The following JPH2 variants were observed in gnomAD, a reference collection of about 807,000 sequenced individuals.
JPH2 encodes the protein junctophilin 2, also known as junctophilin-2.
Under a neutral mutation model 55.9 loss-of-function variants are expected in JPH2, and 38 were observed. The observed-to-expected ratio is 0.68, with a 90% confidence interval of 0.52 to 0.89. The LOEUF is 0.89. Among genes scored for constraint, JPH2 ranks in the 40% least tolerant of loss-of-function variants. JPH2 has a pLI of 0.00. For missense variants in JPH2, 964 were observed against 1,037.6 expected (o/e 0.93, Z 0.97); for synonymous variants, 480 against 472.4 (o/e 1.02, Z -0.21).
At chr20:44,149,356 T>C (rs2072514872) in intron 2 of JPH2, among the ~76,000 whole-genome samples, 1 of 152,228 alleles carries the variant, frequency 6.6e-6, no homozygotes, top group Non-Finnish European at 1.5e-5. Context: ...GGCAGACCGC[T>C]CCCAGCTCTC....
chr20:44,155,732 C>T (rs1386020674), intron 2 of JPH2, among the ~76,000 whole-genome samples: 1 of 152,152 alleles, frequency 6.6e-6, no homozygotes, highest in Non-Finnish European at 1.5e-5. Flanking sequence ...AACTATCTCA[C>T]CAGTACTCCT....
intron 2 of JPH2, among the ~76,000 whole-genome samples, chr20:44,145,135 G>A (rs760803720): frequency 2.0e-5 from 3 of 152,050 alleles, no homozygotes; most frequent in Non-Finnish European, 4.4e-5. Flanking sequence ...CAACACTCTT[G>A]GTCTGGGCCC....
intron 1 of JPH2, among the ~76,000 whole-genome samples, chr20:44,182,776 T>C (rs555118831): frequency 2.0e-5 from 3 of 152,372 alleles, no homozygotes; most frequent in South Asian, 4.1e-4. Flanking sequence ...TTCTAGTTTA[T>C]GTTTTTCCAC....
At chr20:44,113,964 G>C (rs1362443493) in intron 5 of JPH2, among the ~76,000 whole-genome samples, 1 of 152,206 alleles carries the variant, frequency 6.6e-6, no homozygotes, top group Admixed American at 6.5e-5. Context: ...TCCTGGGGCT[G>C]ATTAAGAACC....
intron 1 of JPH2, among the ~76,000 whole-genome samples, chr20:44,182,657 C>G (rs1386441386): frequency 6.6e-6 from 1 of 152,202 alleles, no homozygotes; most frequent in Admixed American, 6.5e-5. Context: ...TCTACAGGCT[C>G]CTCCATCCTC....
intron 1 of JPH2, among the ~76,000 whole-genome samples, chr20:44,185,225 T>G (rs2072823405): frequency 6.6e-6 from 1 of 152,178 alleles, no homozygotes; most frequent in Non-Finnish European, 1.5e-5. Context: ...GAGGATTGCT[T>G]GAGCCCAGGA....
At chr20:44,146,083 C>G (rs1050065680) in intron 2 of JPH2, among the ~76,000 whole-genome samples, 1 of 150,082 alleles carries the variant, frequency 6.7e-6, no homozygotes, top group Non-Finnish European at 1.5e-5. Context: ...GCCCAGGCTA[C>G]AGTGCAGTGG....
intron 1 of JPH2, among the ~76,000 whole-genome samples, chr20:44,185,021 C>T (rs901772772): frequency 6.6e-6 from 1 of 152,182 alleles, no homozygotes; most frequent in Non-Finnish European, 1.5e-5. Flanking sequence ...AGTGATCCTC[C>T]CACCACAGCT....
At chr20:44,165,855 G>A (rs2072652437) in intron 1 of JPH2, among the ~76,000 whole-genome samples, 1 of 152,272 alleles carries the variant, frequency 6.6e-6, no homozygotes, top group East Asian at 1.9e-4. Context: ...TCTCAGTGAA[G>A]CCACCCGTGG....
chr20:44,173,467 G>A (rs577763733), intron 1 of JPH2, among the ~76,000 whole-genome samples: 18 of 151,846 alleles, frequency 1.2e-4, no homozygotes, highest in Middle Eastern at 3.4e-3. Flanking sequence ...CCCCCTGCCC[G>A]CCAAACTATC....
intron 2 of JPH2, among the ~76,000 whole-genome samples, chr20:44,130,706 C>A (rs1217762447): frequency 6.6e-6 from 1 of 152,204 alleles, no homozygotes; most frequent in Non-Finnish European, 1.5e-5. Flanking sequence ...TAAAATTTTA[C>A]AAACTATAAA....
rs185484164 is a variant in JPH2 at position 44,176,219 on chromosome 20, C to T, written c.379+10108G>A. On this transcript the variant is annotated intron_variant, in intron 1 of 5. Transcript: ENST00000372980. The stretch of plus-strand genomic sequence containing the variant: ...TGTAATAAACTCACTACCAGGTCTC[C>T]ATGCCACCTCCCCTCACCTAATACC... Among the ~76,000 whole-genome samples the T allele has an allele frequency of 3.9e-5, 6 of 152,266 alleles. No individual in the cohort carries two copies. The East Asian group carries it at 1.2e-3, about 29-fold the overall frequency.
intron 1 of JPH2, chr20:44,177,361 G>A (rs1281779280): frequency 1.7e-5 from 17 of 986,918 alleles, no homozygotes; most frequent in East Asian, 1.1e-4. Flanking sequence ...TGCTGGGCAC[G>A]GAATTAGCAG....
chr20:44,171,953 G>C (rs1237513815), intron 1 of JPH2, among the ~76,000 whole-genome samples: 2 of 152,172 alleles, frequency 1.3e-5, no homozygotes, highest in Admixed American at 1.3e-4. Context: ...ACTCACACAT[G>C]GAAGACATTC....
At chr20:44,176,817 T>G in intron 1 of JPH2, 1 of 946,352 alleles carries the variant, frequency 1.1e-6, no homozygotes, top group Non-Finnish European at 1.3e-6. Context: ...AAAAAAAAGG[T>G]ATCCATAAAG....
At chr20:44,128,024 TATC>T (rs1047279817) in intron 2 of JPH2, among the ~76,000 whole-genome samples, 4 of 152,226 alleles carry the variant, frequency 2.6e-5, no homozygotes, top group African/African-American at 9.6e-5. Flanking sequence ...GCAAGTCACT[TATC>T]ATATATATGA....
chr20:44,134,442 T>A lies in JPH2; in HGVS notation c.1170-15819A>T, dbSNP rs1447643350. On this transcript the variant is annotated intron_variant, in intron 2 of 5. Coordinates refer to ENST00000372980, the MANE Select transcript of JPH2 (RefSeq NM_020433.5). ...AATATATATTTATTATAAATATATATAAATATATATTTATTATAAATATAT... is the reference window on the plus strand; with the variant it reads ...AATATATATTTATTATAAATATATAAAAATATATATTTATTATAAATATAT... 9.6e-4 allele frequency among the ~76,000 whole-genome samples: 19 copies of A among 19,788 alleles called. 1 individual carries two copies. The highest frequency in any genetic ancestry group is 1.4e-3 in the Non-Finnish European group (17 of 11,906). The allele number at this position is 19,788 out of a possible 152,430, so 13.0% of individuals were successfully genotyped here. A position where few individuals can be genotyped will look rare whatever the true frequency, so the allele number is the denominator to read the frequency against.
intron 2 of JPH2, among the ~76,000 whole-genome samples, chr20:44,154,112 C>G (rs1461625005): frequency 6.6e-6 from 1 of 152,182 alleles, no homozygotes; most frequent in African/African-American, 2.4e-5. Flanking sequence ...TCCTTTTCTG[C>G]ACCTCAGTCT....
At chr20:44,163,905 C>A (rs2072634744) in intron 1 of JPH2, among the ~76,000 whole-genome samples, 1 of 152,152 alleles carries the variant, frequency 6.6e-6, no homozygotes, top group Non-Finnish European at 1.5e-5. Context: ...CTTCAATGAC[C>A]AGCCTCAAAA....
Sources: gnomAD v4.1 joint callset for allele counts (sites outside exome capture counted in the v4.1 genomes callset) on GRCh38, gnomAD v4.1.1 for gene constraint, MANE v1.5 for transcripts, NCBI Gene and HGNC (gene_info 2026-07-23, HGNC 2026-07-21) for gene names.